EXOC2: variants seen among roughly 807,000 people sequenced by gnomAD.
EXOC2 encodes SEC5-like 1.
A neutral mutation model predicts 131.8 loss-of-function variants in EXOC2; 70 were observed. The observed-to-expected ratio is 0.53, with a 90% confidence interval of 0.44 to 0.65. The LOEUF is 0.65. Ranked by LOEUF, EXOC2 falls within the 30% of genes least tolerant of loss-of-function variation. The pLI, the probability that EXOC2 is intolerant of heterozygous loss-of-function variation, is 0.00. For missense variants in EXOC2, 923 were observed against 1,108.6 expected (o/e 0.83, Z 2.38); for synonymous variants, 411 against 398.4 (o/e 1.03, Z -0.38).
chr6:651,615 T>C (rs1762833611), intron 1 of EXOC2, among the ~76,000 whole-genome samples: 1 of 151,418 alleles, frequency 6.6e-6, no homozygotes, highest in South Asian at 2.1e-4. Flanking sequence ...ATTGTGCCAC[T>C]GCACTCCAAC....
At chr6:603,255 G>A (rs945554600) in intron 7 of EXOC2, among the ~76,000 whole-genome samples, 1 of 152,110 alleles carries the variant, frequency 6.6e-6, no homozygotes, top group African/African-American at 2.4e-5. Context: ...AAACATTAGG[G>A]TGCCTGGAAT....
In EXOC2 at chr6:692,702, G is replaced by C. The variant is rs528757611; in HGVS notation, c.-44+317C>G. 2.8e-3 allele frequency among the ~76,000 whole-genome samples: 423 copies of C among 152,372 alleles called. 2 individuals are homozygous for C. Among genetic ancestry groups the C allele is most frequent in the African/African-American group, 9.8e-3 (409 of 41,596 alleles). On this transcript the variant is annotated intron_variant, in intron 1 of 27. Transcript: ENST00000230449. Reference sequence around the variant, plus strand: ...CGCAAGGGCGAAGCGGCGCAGTCTGGGGCCAGCTCCAGCGGGCGGGGCCTG... The same window carrying C: ...CGCAAGGGCGAAGCGGCGCAGTCTGCGGCCAGCTCCAGCGGGCGGGGCCTG...
Position 495,649 on chromosome 6 carries a change from G to A in EXOC2, c.2559+1718C>T, listed in dbSNP as rs375329926. ...TAAGCAGTTGCTGCATCGCGTCCTC[G>A]ATGACGTGTGAGAGCTCTAGTTCCA... On this transcript the variant is annotated intron_variant, in intron 25 of 27. Coordinates refer to ENST00000230449, the MANE Select transcript of EXOC2 (RefSeq NM_018303.6). Among the ~76,000 whole-genome samples the A allele has an allele frequency of 3.0e-4, 46 of 152,302 alleles. 1 individual carries two copies. In the East Asian group the frequency reaches 3.3e-3, roughly 11 times the overall value.
chr6:534,396 C>G lies in EXOC2; in HGVS notation c.2239-1786G>C, dbSNP rs535222622. Among the ~76,000 whole-genome samples the G allele has an allele frequency of 9.2e-5, 14 of 151,652 alleles. No individual in the cohort carries two copies. The South Asian group carries it at 1.7e-3, about 18-fold the overall frequency. On this transcript the variant is annotated intron_variant, in intron 22 of 27. Transcript: ENST00000230449. The stretch of plus-strand genomic sequence containing the variant: ...ATCTAGGCAACTACTGTTAAAGTTT[C>G]TAGTTTCTAATACATTTACTCTAAA...
At chr6:671,186 G>A (rs779498157) in intron 1 of EXOC2, among the ~76,000 whole-genome samples, 20 of 151,004 alleles carry the variant, frequency 1.3e-4, no homozygotes, top group African/African-American at 3.4e-4. Flanking sequence ...GCAAAATCCC[G>A]TCTCTACTAA....
intron 2 of EXOC2, among the ~76,000 whole-genome samples, chr6:633,648 C>T (rs1761963209): frequency 6.6e-6 from 1 of 152,168 alleles, no homozygotes; most frequent in South Asian, 2.1e-4. Context: ...AACCAAGAGT[C>T]AGGTAATCTA....
In EXOC2 at chr6:486,849, GC is replaced by G. The variant is rs1763092150; in HGVS notation, c.2682-86del. On this transcript the variant is annotated intron_variant, in intron 27 of 27. Transcript: ENST00000230449. ...AAAACACCAGGGGAGCCAGTGCCCG[GC>G]TCTGCCTGGGCTTGCTGTGTGGAGA... The G allele has an allele frequency of 3.9e-6, 4 of 1,022,418 alleles. No individual in the cohort carries two copies. The South Asian group carries it at 4.0e-5, about 10-fold the overall frequency. 63.3% of individuals were successfully genotyped at this position (1,022,418 alleles called of 1,614,324 possible). A position where few individuals can be genotyped will look rare whatever the true frequency, so the allele number is the denominator to read the frequency against.
chr6:592,390 C>T, intron 11 of EXOC2, 79 bp downstream of exon 11: 7 of 1,228,236 alleles, frequency 5.7e-6, no homozygotes, highest in Non-Finnish European at 8.3e-6. Context: ...GTAGTCAGTG[C>T]CTTCATCATT....
At chr6:536,511 G>T (rs1766453488) in intron 22 of EXOC2, among the ~76,000 whole-genome samples, 1 of 151,976 alleles carries the variant, frequency 6.6e-6, no homozygotes, top group African/African-American at 2.4e-5. Flanking sequence ...CAAATTCAAT[G>T]AACCCCTAAA....
At chr6:544,693 CAAT>C (rs1561838883) in intron 22 of EXOC2, among the ~76,000 whole-genome samples, 1 of 152,058 alleles carries the variant, frequency 6.6e-6, no homozygotes, top group Non-Finnish European at 1.5e-5. Flanking sequence ...AAATAAGCTA[CAAT>C]AATCAAACAT....
In EXOC2 at chr6:553,842, C is replaced by G; in HGVS notation, c.2121+12G>C. The G allele has an allele frequency of 6.2e-7, 1 of 1,608,544 alleles. No homozygotes were observed. Among genetic ancestry groups the G allele is most frequent in the Non-Finnish European group, 8.5e-7 (1 of 1,175,180 alleles). Reference sequence around the variant, plus strand: ...TTAAAATGGTTTACTTTCTAGTTATCGTCTGACTTACTGAGGTCAAGCTGA... The same window carrying G: ...TTAAAATGGTTTACTTTCTAGTTATGGTCTGACTTACTGAGGTCAAGCTGA... On this transcript the variant is annotated intron_variant, in intron 21 of 27. Transcript: ENST00000230449.
chr6:626,736 C>T (rs976554105), intron 4 of EXOC2, among the ~76,000 whole-genome samples: 4 of 152,144 alleles, frequency 2.6e-5, no homozygotes, highest in Non-Finnish European at 5.9e-5. Flanking sequence ...AGATTACATG[C>T]GCCTGCCACC....
chr6:610,892 A>T (rs1760679299), intron 6 of EXOC2, among the ~76,000 whole-genome samples: 1 of 152,258 alleles, frequency 6.6e-6, no homozygotes, highest in African/African-American at 2.4e-5. Context: ...AAAGAAACAC[A>T]TTCAGAGAAA....
chr6:501,183 TTA>T lies in EXOC2; in HGVS notation c.2381-1485_2381-1484del, dbSNP rs1313148594. On this transcript the variant is annotated intron_variant, in intron 23 of 27. Coordinates refer to ENST00000230449, the MANE Select transcript of EXOC2 (RefSeq NM_018303.6). ...TATATATATTATATATATCTATATA[TTA>T]TATATATCTATATATATTATATATA... Among the ~76,000 whole-genome samples the T allele has an allele frequency of 1.7e-4, 6 of 35,914 alleles. 2 individuals carry two copies. The highest frequency in any genetic ancestry group is 3.4e-4 in the Non-Finnish European group (6 of 17,616). The allele number at this position is 35,914 out of a possible 152,430, so 23.6% of individuals were successfully genotyped here. A position where few individuals can be genotyped will look rare whatever the true frequency, so the allele number is the denominator to read the frequency against.
At chr6:642,649 A>G (rs979079973) in intron 1 of EXOC2, among the ~76,000 whole-genome samples, 10 of 151,524 alleles carry the variant, frequency 6.6e-5, no homozygotes, top group African/African-American at 2.2e-4. Context: ...CATAATGAAT[A>G]AACAGATGGT....
At position 687,058 on chromosome 6, in the gene EXOC2, G is replaced by A. The variant is rs150519510; in HGVS notation, c.-44+5961C>T. ...CTATATGCATAGATAAAAACAGTAAGTCTTAGTATTTTAGGAAGTATAGTT... is the reference window on the plus strand; with the variant it reads ...CTATATGCATAGATAAAAACAGTAAATCTTAGTATTTTAGGAAGTATAGTT... On this transcript the variant is annotated intron_variant, in intron 1 of 27. Coordinates refer to ENST00000230449, the MANE Select transcript of EXOC2 (RefSeq NM_018303.6). Among the ~76,000 whole-genome samples the A allele has an allele frequency of 5.9e-3, 894 of 151,038 alleles. 8 individuals are homozygous for A. The highest frequency in any genetic ancestry group is 0.02 in the African/African-American group (824 of 41,156).
intron 27 of EXOC2, 56 bp from the exon 28 acceptor site, chr6:486,820 C>T (rs1763088902): frequency 5.7e-6 from 8 of 1,396,992 alleles, no homozygotes; most frequent in South Asian, 3.5e-5. Context: ...CCTAGCAACG[C>T]AAGAAAACAC....
chr6:486,808 G>C, intron 27 of EXOC2, 44 bp from the exon 28 acceptor site: 1 of 1,530,824 alleles, frequency 6.5e-7, no homozygotes, highest in Non-Finnish European at 9.0e-7. Flanking sequence ...CAGATGGGGC[G>C]GCCTAGCAAC....
At chr6:555,898 T>C (rs896820331) in intron 19 of EXOC2, 56 bp downstream of exon 19, 1 of 1,532,210 alleles carries the variant, frequency 6.5e-7, no homozygotes, top group South Asian at 1.2e-5. Flanking sequence ...AGGAGAGGGG[T>C]TGACTGACAC....
Sources: gnomAD v4.1 joint callset for allele counts (sites outside exome capture counted in the v4.1 genomes callset) on GRCh38, gnomAD v4.1.1 for gene constraint, MANE v1.5 for transcripts, NCBI Gene and HGNC (gene_info 2026-07-23, HGNC 2026-07-21) for gene names.